The following VPS13C variants were observed in gnomAD, a reference collection of about 807,000 sequenced individuals.
The protein encoded by VPS13C is intermembrane lipid transfer protein VPS13C.
In VPS13C, 358 loss-of-function variants were observed where a neutral mutation model predicts 456.8. The ratio of observed to expected loss-of-function variants is 0.78; its 90% CI spans 0.72 to 0.86. The LOEUF is 0.86. Ranked by LOEUF, VPS13C falls within the 40% of genes least tolerant of loss-of-function variation. The pLI, the probability that VPS13C is intolerant of heterozygous loss-of-function variation, is 0.00. For missense variants in VPS13C, 4,818 were observed against 4,385.4 expected, an observed-to-expected ratio of 1.10 and a Z score of -2.79; for synonymous variants, 1,578 against 1,486.7, an observed-to-expected ratio of 1.06 and a Z score of -1.41.
intron 18 of VPS13C, among the ~76,000 whole-genome samples, chr15:61,989,401 G>T (rs1390230041): frequency 6.9e-6 from 1 of 145,620 alleles, no homozygotes; most frequent in Non-Finnish European, 1.5e-5. Context: ...TGTCTCAAAA[G>T]AAAAAAAAAA....
chr15:61,998,095 T>C (rs78165219), intron 16 of VPS13C, among the ~76,000 whole-genome samples: 14,065 of 152,256 alleles, frequency 0.092, 856 homozygotes, highest in Admixed American at 0.17. Flanking sequence ...GGACTCCAGT[T>C]AGTTTCCTGA....
intron 67 of VPS13C, among the ~76,000 whole-genome samples, chr15:61,889,863 G>A (rs1170634739): frequency 3.3e-5 from 5 of 150,930 alleles, no homozygotes; most frequent in Non-Finnish European, 7.4e-5. Flanking sequence ...CAGTATTTTT[G>A]TAACTCATTA....
At position 61,927,174 on chromosome 15, in the gene VPS13C, G is replaced by A; in HGVS notation, c.6433C>T (p.Gln2145Ter). The A allele has an allele frequency of 6.2e-7, 1 of 1,614,154 alleles. No homozygotes were observed. ...TCTCTCACAGAAGCTTCCATCATCT[G>A]TTCGAGTTTGGATGTTGACAGAGAA... The part of the protein sequence containing the change: ...NLSLSTSKLE[Q>*]MMEASVRDLK... The change falls in exon 52 of 85, where the codon CAG becomes TAG. Residue 2145 changes from glutamine (Q) to a stop codon, truncating the protein, a stop_gained. Transcript: ENST00000644861. LOFTEE classifies it high-confidence loss of function.
At chr15:61,930,669 A>G (rs2044025040) in intron 50 of VPS13C, among the ~76,000 whole-genome samples, 1 of 152,238 alleles carries the variant, frequency 6.6e-6, no homozygotes, top group Non-Finnish European at 1.5e-5. Context: ...TTCTATTTCT[A>G]TTAAAACTTT....
chr15:61,962,458 A>G lies in VPS13C; in HGVS notation c.3516T>C (p.Thr1172=). The G allele has an allele frequency of 6.2e-7, 1 of 1,612,186 alleles. No individual in the cohort carries two copies. Among genetic ancestry groups the G allele is most frequent in the Non-Finnish European group, 8.5e-7 (1 of 1,178,760 alleles). The change falls in exon 34 of 85, where the codon ACT becomes ACC. Residue 1172 remains threonine, a synonymous_variant. Transcript: ENST00000644861. ...GCACACCATCCACTTTGGACATGTC[A>G]GTATACAAATCCCCCTCAGTAGCAT... The part of the protein sequence containing the change: ...YPDATEGDLY[T]DMSKVDGVLS...
intron 81 of VPS13C, chr15:61,865,933 G>T (rs1038432875): frequency 3.1e-6 from 3 of 982,368 alleles, no homozygotes; most frequent in Non-Finnish European, 3.6e-6. Context: ...GGAACATGAG[G>T]ATCAAAAGAT....
rs2047549661 is a variant in VPS13C at position 62,023,957 on chromosome 15, A to G, written c.449-112T>C. On this transcript the variant is annotated intron_variant, in intron 6 of 84. Transcript: ENST00000644861. ...CTAACAGCAAATTTTGGCACAACTC[A>G]CCTTACCTTATTCTAAACTGACCTG... The G allele has an allele frequency of 7.6e-6, 6 of 789,876 alleles. No individual in the cohort carries two copies. The Middle Eastern group carries it at 7.3e-4, about 96-fold the overall frequency. 48.9% of individuals were successfully genotyped at this position (789,876 alleles called of 1,614,324 possible).
At position 61,890,040 on chromosome 15, in the gene VPS13C, C is replaced by T. The variant is rs999298667; in HGVS notation, c.9341+125G>A. 6.2e-6 allele frequency: 5 copies of T among 812,066 alleles called. No individual in the cohort carries two copies. In the African/African-American group the frequency reaches 8.7e-5, roughly 14 times the overall value. 50.3% of individuals were successfully genotyped at this position (812,066 alleles called of 1,614,324 possible). The stretch of plus-strand genomic sequence containing the variant: ...ACAGTTCAAAGAATTATTCAGTAAG[C>T]TTTACTGAATAAATATACAGCATAC... On this transcript the variant is annotated intron_variant, in intron 67 of 84. Coordinates refer to ENST00000644861, the MANE Select transcript of VPS13C (RefSeq NM_020821.3).
chr15:61,914,844 G>A (rs923934607), intron 61 of VPS13C, among the ~76,000 whole-genome samples: 8 of 131,122 alleles, frequency 6.1e-5, no homozygotes, highest in Admixed American at 4.4e-4. Flanking sequence ...GGATTTACAG[G>A]CATAAGCCAC....
chr15:62,032,453 C>T (rs913787523), intron 5 of VPS13C, among the ~76,000 whole-genome samples: 42 of 151,524 alleles, frequency 2.8e-4, no homozygotes, highest in African/African-American at 9.4e-4. Flanking sequence ...CTATGGTAAC[C>T]TCTGTATTTT....
chr15:62,044,396 G>A (rs949741648), intron 1 of VPS13C, 141 bp from the exon 2 acceptor site: 27 of 498,238 alleles, frequency 5.4e-5, no homozygotes, highest in African/African-American at 4.0e-4. Flanking sequence ...GAGGCTACCC[G>A]GCACAAAATA....
chr15:61,931,740 C>T (rs1479689967), intron 49 of VPS13C, among the ~76,000 whole-genome samples: 1 of 151,550 alleles, frequency 6.6e-6, no homozygotes, highest in Non-Finnish European at 1.5e-5. Flanking sequence ...CCATGCCCGG[C>T]TAATTTTTTT....
At chr15:61,958,220 T>C (rs1171126166) in intron 37 of VPS13C, among the ~76,000 whole-genome samples, 8 of 152,056 alleles carry the variant, frequency 5.3e-5, no homozygotes, top group African/African-American at 1.9e-4. Context: ...ACCATTTCAA[T>C]TCTTACAGAT....
At chr15:62,018,877 TGTACCTCTGGTAGA>T (rs1185910777) in intron 9 of VPS13C, among the ~76,000 whole-genome samples, 1 of 152,202 alleles carries the variant, frequency 6.6e-6, no homozygotes, top group Non-Finnish European at 1.5e-5. Flanking sequence ...AGCTCCTCCT[TGTACCTCTGGTAGA>T]ATTCGGCTGT....
In VPS13C at chr15:61,983,819, C is replaced by T; in HGVS notation, c.1914+1G>A. The T allele has an allele frequency of 6.2e-7, 1 of 1,613,234 alleles. No homozygotes were observed. The stretch of plus-strand genomic sequence containing the variant: ...AAGAGTTACTTTCTCCTTGCACTTA[C>T]AGCATCATAGATGACCTCCACAGGC... On this transcript the variant is annotated splice_donor_variant, in intron 20 of 84. Coordinates refer to ENST00000644861, the MANE Select transcript of VPS13C (RefSeq NM_020821.3). LOFTEE classifies it high-confidence loss of function.
intron 18 of VPS13C, 36 bp downstream of exon 18, chr15:61,990,961 CAAT>C (rs1410214058): frequency 5.0e-6 from 7 of 1,407,800 alleles, no homozygotes; most frequent in Non-Finnish European, 7.0e-6. Flanking sequence ...TAATATAGTA[CAAT>C]GAGACAAAAT....
At chr15:62,043,333 A>G (rs1463894600) in intron 2 of VPS13C, among the ~76,000 whole-genome samples, 2 of 152,214 alleles carry the variant, frequency 1.3e-5, no homozygotes, top group African/African-American at 4.8e-5. Context: ...GGCTGGGCGC[A>G]GTGGCTCCAT....
chr15:61,959,589 C>A lies in VPS13C; in HGVS notation c.3915G>T (p.Val1305=). 6.2e-7 allele frequency: 1 copy of A among 1,610,232 alleles called. No individual in the cohort carries two copies. Among genetic ancestry groups the A allele is most frequent in the Non-Finnish European group, 8.5e-7 (1 of 1,177,570 alleles). ...CAGGATGGTAGATGCCTGGCTGGAT[C>A]ACTGTCCTACGAAAAACAGAAATGT... ...QLTKLTLYRT[V]IQPGIYHPDI... is the part of the protein sequence containing the mutation. Residue 1305 remains valine, a synonymous_variant, in exon 36 of 85, where the codon GTG becomes GTT. Coordinates refer to ENST00000644861, the MANE Select transcript of VPS13C (RefSeq NM_020821.3).
At position 61,988,177 on chromosome 15, in the gene VPS13C, GTGTT is replaced by G. The variant is rs547599285; in HGVS notation, c.1578+2819_1578+2822del. On this transcript the variant is annotated intron_variant, in intron 18 of 84. Transcript: ENST00000644861. ...TAATCACGGTGACATAAGTTATAAA[GTGTT>G]TGTTTTGCAAGGCAAAAGAAGAAAA... Among the ~76,000 whole-genome samples, 8 of 152,196 alleles carry G rather than the reference GTGTT, an allele frequency of 5.3e-5. No homozygotes were observed. The East Asian group carries it at 5.8e-4, about 11-fold the overall frequency.
Sources: allele counts gnomAD v4.1 joint callset (sites outside exome capture counted in the v4.1 genomes callset), GRCh38; gene constraint gnomAD v4.1.1; transcripts MANE v1.5; gene names NCBI Gene and HGNC (gene_info 2026-07-23, HGNC 2026-07-21).